The following NCKAP5L variants were observed in gnomAD, a reference collection of about 807,000 sequenced individuals.
The protein encoded by NCKAP5L is NCK associated protein 5 like.
In NCKAP5L, 54 loss-of-function variants were observed where a neutral mutation model predicts 103.2. The ratio of observed to expected loss-of-function variants is 0.52; its 90% CI spans 0.42 to 0.66. The LOEUF (loss-of-function observed/expected upper bound fraction) is 0.66, where lower values mean the gene tolerates loss of function less well. Among genes scored for constraint, NCKAP5L ranks in the 30% least tolerant of loss-of-function variants. NCKAP5L has a pLI of 0.00. For missense variants in NCKAP5L, 1,733 were observed against 1,750.6 expected (o/e 0.99, Z 0.18); for synonymous variants, 762 against 748.6 (o/e 1.02, Z -0.29).
chr12:49,826,361 C>A (rs1375095436), intron 1 of NCKAP5L, among the ~76,000 whole-genome samples: 1 of 152,050 alleles, frequency 6.6e-6, no homozygotes, highest in Non-Finnish European at 1.5e-5. Context: ...GGATGTCTCA[C>A]CACAGGCGTG....
At chr12:49,827,449 G>GC (rs1946430766) in intron 1 of NCKAP5L, among the ~76,000 whole-genome samples, 1 of 152,258 alleles carries the variant, frequency 6.6e-6, no homozygotes, top group African/African-American at 2.4e-5. Flanking sequence ...GGAGGTGAGG[G>GC]CCCTCTGTGC....
chr12:49,826,640 C>A (rs568844922), intron 1 of NCKAP5L, among the ~76,000 whole-genome samples: 6 of 152,306 alleles, frequency 3.9e-5, no homozygotes, highest in Non-Finnish European at 7.4e-5. Flanking sequence ...AATATTAGAG[C>A]TATCTAGTCC....
chr12:49,807,845 G>A (rs1195996835), intron 1 of NCKAP5L, among the ~76,000 whole-genome samples: 2 of 152,178 alleles, frequency 1.3e-5, no homozygotes, highest in Non-Finnish European at 2.9e-5. Flanking sequence ...AGGGGCTAGG[G>A]TGTGGCTGAG....
chr12:49,823,495 TGTCTAAG>T (rs1946383822), intron 1 of NCKAP5L, among the ~76,000 whole-genome samples: 1 of 151,438 alleles, frequency 6.6e-6, no homozygotes, highest in Admixed American at 6.6e-5. Context: ...CTACCCAGAG[TGTCTAAG>T]GGCAGGGGCA....
chr12:49,822,871 A>C (rs987134860), intron 1 of NCKAP5L, among the ~76,000 whole-genome samples: 1 of 152,094 alleles, frequency 6.6e-6, no homozygotes, highest in East Asian at 1.9e-4. Context: ...TATTTATAAA[A>C]CCTGATGAAA....
At chr12:49,824,841 T>C (rs1351359848) in intron 1 of NCKAP5L, among the ~76,000 whole-genome samples, 1 of 152,194 alleles carries the variant, frequency 6.6e-6, no homozygotes, top group Non-Finnish European at 1.5e-5. Flanking sequence ...ATGGGTCTTG[T>C]TCTCAGGGAT....
At chr12:49,802,635 T>C in intron 5 of NCKAP5L, 1 of 359,366 alleles carries the variant, frequency 2.8e-6, no homozygotes, top group Non-Finnish European at 5.1e-6. Flanking sequence ...TGTCAAGAAG[T>C]TATCCACCAT....
At chr12:49,802,609 G>A in intron 5 of NCKAP5L, 1 of 304,116 alleles carries the variant, frequency 3.3e-6, no homozygotes, top group Non-Finnish European at 6.2e-6. Context: ...AGGCCTTGGA[G>A]TTAAAGTGGC....
intron 1 of NCKAP5L, among the ~76,000 whole-genome samples, chr12:49,823,857 G>A (rs565155124): frequency 6.6e-6 from 1 of 152,336 alleles, no homozygotes; most frequent in Non-Finnish European, 1.5e-5. Flanking sequence ...GGTAATGATT[G>A]AGCAGATGCC....
intron 2 of NCKAP5L, 123 bp downstream of exon 2, chr12:49,805,857 G>A (rs1449699770): frequency 6.6e-6 from 1 of 152,226 alleles, no homozygotes; most frequent in African/African-American, 2.4e-5. Flanking sequence ...TTGGACTATA[G>A]GAGAGAGGTG....
chr12:49,793,958 G>T, intron 8 of NCKAP5L, 62 bp from the exon 9 acceptor site: 1 of 1,387,040 alleles, frequency 7.2e-7, no homozygotes, highest in Non-Finnish European at 9.5e-7. Flanking sequence ...TTCCAGCCTT[G>T]CACCCGCCAA....
At chr12:49,813,328 C>T (rs892122773) in intron 1 of NCKAP5L, among the ~76,000 whole-genome samples, 1 of 152,174 alleles carries the variant, frequency 6.6e-6, no homozygotes, top group South Asian at 2.1e-4. Context: ...CTGCTGATTC[C>T]AGCCACCCAG....
intron 5 of NCKAP5L, chr12:49,802,463 A>G (rs780443031): frequency 9.0e-5 from 15 of 166,584 alleles, no homozygotes; most frequent in Non-Finnish European, 1.8e-4. Context: ...TGGCCAGGAT[A>G]GTCTTGATCT....
At chr12:49,808,845 C>T (rs540980937) in intron 1 of NCKAP5L, among the ~76,000 whole-genome samples, 33 of 152,326 alleles carry the variant, frequency 2.2e-4, no homozygotes, top group Non-Finnish European at 4.3e-4. Context: ...GGCCCCAACA[C>T]GTCTGGGACG....
chr12:49,810,997 A>G (rs970509332), intron 1 of NCKAP5L, among the ~76,000 whole-genome samples: 1 of 152,366 alleles, frequency 6.6e-6, no homozygotes, highest in African/African-American at 2.4e-5. Context: ...ACTATCCAAC[A>G]TGGAAGCTAT....
At chr12:49,813,140 T>C (rs986276448) in intron 1 of NCKAP5L, among the ~76,000 whole-genome samples, 8 of 152,242 alleles carry the variant, frequency 5.3e-5, no homozygotes, top group African/African-American at 1.9e-4. Context: ...AGATGTATGT[T>C]TTCCTTTCTC....
At chr12:49,816,692 G>A (rs369007612) in intron 1 of NCKAP5L, among the ~76,000 whole-genome samples, 1 of 151,746 alleles carries the variant, frequency 6.6e-6, no homozygotes, top group Admixed American at 6.6e-5. Context: ...AGCTACTTGG[G>A]AGGCTGAGGC....
chr12:49,793,039 C>A, intron 10 of NCKAP5L, 53 bp from the exon 11 acceptor site: 1 of 1,349,594 alleles, frequency 7.4e-7, no homozygotes, highest in South Asian at 1.5e-5. Context: ...GCTCAGTCCC[C>A]GGCCTGCCTC....
chr12:49,825,428 G>A (rs1425207096), intron 1 of NCKAP5L, among the ~76,000 whole-genome samples: 1 of 152,186 alleles, frequency 6.6e-6, no homozygotes, highest in Non-Finnish European at 1.5e-5. Flanking sequence ...CAGCTCTGGT[G>A]ACTCAGGCAT....
Sources: allele counts gnomAD v4.1 joint callset (sites outside exome capture counted in the v4.1 genomes callset), GRCh38; gene constraint gnomAD v4.1.1; transcripts MANE v1.5; gene names NCBI Gene and HGNC (gene_info 2026-07-23, HGNC 2026-07-21).